The following GALNT13 variants were observed in gnomAD, a reference collection of about 807,000 sequenced individuals.
GALNT13 encodes the protein polypeptide N-acetylgalactosaminyltransferase 13.
In GALNT13, 28 loss-of-function variants were observed where a neutral mutation model predicts 64.2. The observed-to-expected ratio is 0.44, with a 90% CI of 0.32 to 0.60. GALNT13 has a LOEUF of 0.60. Ranked by LOEUF, GALNT13 falls within the 20% of genes least tolerant of loss-of-function variation. The pLI is 0.05. For synonymous variants in GALNT13, 214 were observed against 224.6 expected (o/e 0.95, Z 0.42); for missense variants, 577 against 669.8 (o/e 0.86, Z 1.53).
the GALNT13 span, among the ~76,000 whole-genome samples, chr2:153,076,104 G>T: frequency 2.6e-5 from 4 of 151,936 alleles, no homozygotes; most frequent in South Asian, 2.1e-4. Flanking sequence ...TTTTGCCGAG[G>T]TATCTTTGGG....
At chr2:153,706,800 C>T in the GALNT13 span, among the ~76,000 whole-genome samples, 1 of 152,200 alleles carries the variant, frequency 6.6e-6, no homozygotes, top group Non-Finnish European at 1.5e-5. Flanking sequence ...ATCAAGTCCT[C>T]TGCCACTTAT....
At chr2:154,300,099 C>CTTTTTTTTTTTTTT in intron 8 of GALNT13, among the ~76,000 whole-genome samples, 1 of 117,052 alleles carries the variant, frequency 8.5e-6, no homozygotes, top group Admixed American at 1.0e-4. Context: ...TTCTTTCTCT[C>CTTTTTTTTTTTTTT]TTTTTTTTTT....
At chr2:153,789,866 C>T in the GALNT13 span, among the ~76,000 whole-genome samples, 1 of 152,068 alleles carries the variant, frequency 6.6e-6, no homozygotes, top group African/African-American at 2.4e-5. Flanking sequence ...CATACACCCT[C>T]CTGAGACTGA....
intron 9 of GALNT13, among the ~76,000 whole-genome samples, chr2:154,338,576 C>A (rs1269531953): frequency 6.6e-6 from 1 of 151,962 alleles, no homozygotes; most frequent in Non-Finnish European, 1.5e-5. Flanking sequence ...ATGAGGCAGC[C>A]CCACGGTCAG....
chr2:153,401,377 TG>T, the GALNT13 span, among the ~76,000 whole-genome samples: 1 of 151,876 alleles, frequency 6.6e-6, no homozygotes, highest in African/African-American at 2.4e-5. Flanking sequence ...AGGTGTGGTG[TG>T]GTGCTGAAAA....
At chr2:153,539,535 T>G in the GALNT13 span, among the ~76,000 whole-genome samples, 1 of 152,108 alleles carries the variant, frequency 6.6e-6, no homozygotes, top group South Asian at 2.1e-4. Flanking sequence ...GGTCTAACGT[T>G]TAAGTCTTTA....
At chr2:153,458,503 A>C in the GALNT13 span, among the ~76,000 whole-genome samples, 1 of 152,094 alleles carries the variant, frequency 6.6e-6, no homozygotes, top group Non-Finnish European at 1.5e-5. Flanking sequence ...CCTCAGTTTA[A>C]CATTTATACT....
chr2:153,412,118 T>C, the GALNT13 span, among the ~76,000 whole-genome samples: 1 of 152,236 alleles, frequency 6.6e-6, no homozygotes, highest in African/African-American at 2.4e-5. Context: ...TCTTCAGTTT[T>C]GAGACTCAGA....
the GALNT13 span, among the ~76,000 whole-genome samples, chr2:153,248,909 C>A: frequency 6.6e-6 from 1 of 150,394 alleles, no homozygotes. Context: ...TATTACAAAC[C>A]CAGAACAAAT....
At chr2:153,349,377 C>A in the GALNT13 span, among the ~76,000 whole-genome samples, 2 of 152,162 alleles carry the variant, frequency 1.3e-5, no homozygotes, top group East Asian at 1.9e-4. Context: ...TTTTTTCTAT[C>A]CTACAGTGCC....
At chr2:153,361,063 T>C in the GALNT13 span, among the ~76,000 whole-genome samples, 2 of 151,994 alleles carry the variant, frequency 1.3e-5, no homozygotes, top group Admixed American at 1.3e-4. Flanking sequence ...GAGTGACATA[T>C]CCAGGCACAG....
intron 2 of GALNT13, among the ~76,000 whole-genome samples, chr2:153,908,108 T>C (rs573834774): frequency 1.2e-4 from 18 of 152,226 alleles, no homozygotes; most frequent in African/African-American, 4.3e-4. Context: ...TTCTGACTGG[T>C]GTAAGATGGT....
chr2:153,145,045 TACTC>T, the GALNT13 span, among the ~76,000 whole-genome samples: 1 of 151,940 alleles, frequency 6.6e-6, no homozygotes, highest in Admixed American at 6.6e-5. Flanking sequence ...CTTTATAAAT[TACTC>T]AATAAATACT....
At chr2:154,114,206 C>T (rs894231258) in intron 3 of GALNT13, among the ~76,000 whole-genome samples, 40 of 152,116 alleles carry the variant, frequency 2.6e-4, no homozygotes, top group African/African-American at 9.7e-4. Flanking sequence ...CTAATAGCTT[C>T]CATTTTGCCT....
chr2:153,327,486 C>T, the GALNT13 span, among the ~76,000 whole-genome samples: 1 of 151,932 alleles, frequency 6.6e-6, no homozygotes, highest in South Asian at 2.1e-4. Context: ...AGACTTTGTT[C>T]ATTCCTTTTC....
At chr2:153,273,224 C>T in the GALNT13 span, among the ~76,000 whole-genome samples, 206 of 152,162 alleles carry the variant, frequency 1.4e-3, 1 homozygote, top group Admixed American at 2.0e-3. Context: ...ATGTGTATAC[C>T]TATGTAACAA....
the GALNT13 span, among the ~76,000 whole-genome samples, chr2:153,147,888 G>A: frequency 6.6e-6 from 1 of 151,826 alleles, no homozygotes; most frequent in Non-Finnish European, 1.5e-5. Flanking sequence ...CACAGTAACA[G>A]TAGCTGGGAG....
the GALNT13 span, among the ~76,000 whole-genome samples, chr2:153,428,154 C>G: frequency 6.6e-6 from 1 of 152,130 alleles, no homozygotes; most frequent in Non-Finnish European, 1.5e-5. Context: ...TGCTGTATTT[C>G]TAGGATGAAT....
At chr2:153,628,967 G>A in the GALNT13 span, among the ~76,000 whole-genome samples, 2,567 of 152,066 alleles carry the variant, frequency 0.017, 48 homozygotes, top group African/African-American at 0.049. Context: ...CTGTGAATCT[G>A]TCTGGTCCTG....
Sources: gnomAD v4.1 joint callset for allele counts (sites outside exome capture counted in the v4.1 genomes callset) on GRCh38, gnomAD v4.1.1 for gene constraint, MANE v1.5 for transcripts, NCBI Gene and HGNC (gene_info 2026-07-23, HGNC 2026-07-21) for gene names.